The following TPRG1 variants were observed in gnomAD, a reference collection of about 807,000 sequenced individuals.
TPRG1 encodes the protein tumor protein p63 regulated 1.
TPRG1 carries 29 observed loss-of-function variants against 29.3 expected under a neutral mutation model. That is an observed-to-expected ratio of 0.99 (90% CI 0.74 to 1.35). The LOEUF (loss-of-function observed/expected upper bound fraction) is 1.35, where lower values mean the gene tolerates loss of function less well. TPRG1 is among the 40% of genes most tolerant of loss of function. TPRG1 has a pLI of 0.00. For missense variants in TPRG1, 327 were observed against 335.0 expected (o/e 0.98, Z 0.19); for synonymous variants, 130 against 116.8 (o/e 1.11, Z -0.73).
intron 5 of TPRG1, among the ~76,000 whole-genome samples, chr3:189,157,053 A>C (rs1164602436): frequency 1.3e-5 from 2 of 152,150 alleles, no homozygotes; most frequent in Admixed American, 6.5e-5. Flanking sequence ...CCTGGTTTTG[A>C]CTGGCTTTGC....
chr3:189,161,024 A>G (rs1294553635), intron 5 of TPRG1, among the ~76,000 whole-genome samples: 3 of 152,334 alleles, frequency 2.0e-5, no homozygotes, highest in Non-Finnish European at 4.4e-5. Flanking sequence ...CTGGACACAG[A>G]ACTTCATTGT....
intron 4 of TPRG1, among the ~76,000 whole-genome samples, chr3:189,301,381 A>G (rs1419940449): frequency 6.6e-6 from 1 of 150,856 alleles, no homozygotes; most frequent in Admixed American, 6.6e-5. Context: ...CCTAGTAGGC[A>G]CTGTTAGAGG....
At chr3:189,075,047 G>A (rs761804142) in intron 4 of TPRG1, among the ~76,000 whole-genome samples, 18 of 152,046 alleles carry the variant, frequency 1.2e-4, no homozygotes, top group Non-Finnish European at 2.1e-4. Flanking sequence ...TCCTGACCTC[G>A]TGATCCACCT....
chr3:189,002,986 A>C (rs1157985187), intron 2 of TPRG1, among the ~76,000 whole-genome samples: 2 of 152,180 alleles, frequency 1.3e-5, no homozygotes, highest in Non-Finnish European at 2.9e-5. Context: ...GAACTCAATA[A>C]ATATTAGCTA....
At chr3:189,059,139 T>G (rs1715924639) in intron 4 of TPRG1, among the ~76,000 whole-genome samples, 1 of 152,130 alleles carries the variant, frequency 6.6e-6, no homozygotes, top group Non-Finnish European at 1.5e-5. Context: ...AAAATTTAAA[T>G]AATAATATCT....
intron 4 of TPRG1, among the ~76,000 whole-genome samples, chr3:189,086,527 T>A (rs1349539594): frequency 1.8e-5 from 2 of 109,796 alleles, no homozygotes; most frequent in Admixed American, 9.1e-5. Flanking sequence ...ACCCAGCTAA[T>A]TTTTTTTTTT....
At chr3:189,026,215 C>G (rs1018630364) in intron 4 of TPRG1, among the ~76,000 whole-genome samples, 3 of 152,160 alleles carry the variant, frequency 2.0e-5, no homozygotes, top group African/African-American at 7.2e-5. Flanking sequence ...CAACTGCCTC[C>G]TCCTCACTTT....
chr3:189,006,819 T>C (rs1712313434), intron 3 of TPRG1, among the ~76,000 whole-genome samples: 1 of 152,162 alleles, frequency 6.6e-6, no homozygotes, highest in Admixed American at 6.6e-5. Flanking sequence ...AAAGTTTTAT[T>C]GGAATACAGC....
In TPRG1 at chr3:189,025,193, T is replaced by C. The variant is rs146294167; in HGVS notation, c.-463+1247T>C. On this transcript the variant is annotated intron_variant, in intron 4 of 10. Coordinates refer to the TPRG1 transcript ENST00000433971. ...TCTTCCTAGACTCCACACAGCTCTG[T>C]GTGTTGGACCCAAGGCCCTGGTGGG... 8.5e-5 allele frequency among the ~76,000 whole-genome samples: 13 copies of C among 152,250 alleles called. 1 individual carries two copies. The South Asian group carries it at 1.2e-3, about 15-fold the overall frequency.
At chr3:189,290,534 TA>T in intron 4 of TPRG1, among the ~76,000 whole-genome samples, 1 of 152,368 alleles carries the variant, frequency 6.6e-6, no homozygotes, top group East Asian at 1.9e-4. Flanking sequence ...AACAAACAGA[TA>T]CGTTTTCCAT....
intron 3 of TPRG1, chr3:189,147,509 C>G (rs1725420589): frequency 1.3e-5 from 2 of 152,210 alleles, no homozygotes; most frequent in Admixed American, 6.5e-5. Context: ...AATTGAGACT[C>G]TTCTTGCCTT....
chr3:189,057,874 G>GTA lies in TPRG1; in HGVS notation c.-463+33939_-463+33940dup, dbSNP rs369924995. On this transcript the variant is annotated intron_variant, in intron 4 of 10. Transcript: ENST00000433971. ...TATATATACACACATACGTATGTGT[G>GTA]TATATATATATACGTATACACATAT... Among the ~76,000 whole-genome samples the GTA allele has an allele frequency of 7.8e-4, 94 of 120,860 alleles. 1 individual carries two copies. In the Middle Eastern group the frequency reaches 0.013, roughly 16 times the overall value. The allele number at this position is 120,860 out of a possible 152,430, so 79.3% of individuals were successfully genotyped here. A position where few individuals can be genotyped will look rare whatever the true frequency, so the allele number is the denominator to read the frequency against.
At chr3:189,155,557 A>C (rs1726552834) in intron 5 of TPRG1, among the ~76,000 whole-genome samples, 1 of 152,086 alleles carries the variant, frequency 6.6e-6, no homozygotes, top group Non-Finnish European at 1.5e-5. Flanking sequence ...TTATTCATAG[A>C]AGTCAGGTAT....
chr3:189,135,854 T>C (rs1723686008), intron 3 of TPRG1, among the ~76,000 whole-genome samples: 1 of 152,176 alleles, frequency 6.6e-6, no homozygotes, highest in Non-Finnish European at 1.5e-5. Context: ...AATGCCCTTC[T>C]TCCTGACTCT....
chr3:189,002,510 G>A (rs1203128241), intron 2 of TPRG1, among the ~76,000 whole-genome samples: 1 of 152,104 alleles, frequency 6.6e-6, no homozygotes, highest in East Asian at 1.9e-4. Flanking sequence ...ATACTATGTA[G>A]GAAGGGCTTG....
rs371228597 is a variant in TPRG1, at chr3:189,126,370, G to A, written c.-743-687G>A. 1.5e-3 allele frequency among the ~76,000 whole-genome samples: 232 copies of A among 152,262 alleles called. 1 individual carries two copies. Among genetic ancestry groups the A allele is most frequent in the African/African-American group, 5.3e-3 (222 of 41,542 alleles). ...TTCCTTAGTTAAGGGAATCTGCTCA[G>A]AGAACAAGATAATAAATAGGCTTAA... is the stretch of plus-strand genomic sequence containing the variant. On this transcript the variant is annotated intron_variant, in intron 1 of 6. Transcript: ENST00000412373.
intron 3 of TPRG1, among the ~76,000 whole-genome samples, chr3:189,013,097 T>C (rs1320115404): frequency 6.6e-6 from 1 of 152,182 alleles, no homozygotes; most frequent in East Asian, 1.9e-4. Flanking sequence ...TCACTAGTTC[T>C]TTTAGTGATG....
At position 189,078,107 on chromosome 3, in the gene TPRG1, T is replaced by TCTTTCTCTCTTTCTC. The variant is rs1560430839; in HGVS notation, c.-462-48950_-462-48949insCTTTCTCTCTTTCTC. Among the ~76,000 whole-genome samples the TCTTTCTCTCTTTCTC allele has an allele frequency of 2.6e-3, 328 of 123,922 alleles. 2 individuals carry two copies. The highest frequency in any genetic ancestry group is 0.011 in the African/African-American group (317 of 29,294). The allele number at this position is 123,922 out of a possible 152,430, so 81.3% of individuals were successfully genotyped here. The stretch of plus-strand genomic sequence containing the variant: ...TCTCTTTCTCTCTTTCTTTCTTTCT[T>TCTTTCTCTCTTTCTC]TCTTTCTTTCTTTCTTTCTTTCTTT... On this transcript the variant is annotated intron_variant, in intron 4 of 10. Coordinates refer to the TPRG1 transcript ENST00000433971.
intron 4 of TPRG1, among the ~76,000 whole-genome samples, chr3:189,258,963 G>A (rs150631838): frequency 6.6e-6 from 1 of 152,210 alleles, no homozygotes; most frequent in Non-Finnish European, 1.5e-5. Context: ...ATCCACTGAG[G>A]AAGACCACTT....
Sources: gnomAD v4.1 joint callset for allele counts (sites outside exome capture counted in the v4.1 genomes callset) on GRCh38, gnomAD v4.1.1 for gene constraint, MANE v1.5 for transcripts, NCBI Gene and HGNC (gene_info 2026-07-23, HGNC 2026-07-21) for gene names.